Variants in NEK10 observed in about 807,000 individuals in gnomAD.
NEK10 encodes serine/threonine-protein kinase Nek10.
A neutral mutation model predicts 159.8 loss-of-function variants in NEK10; 122 were observed. The observed-to-expected ratio is 0.76, with a 90% CI of 0.66 to 0.89. The LOEUF is 0.89. NEK10 is among the 40% of genes least tolerant of loss of function. NEK10 has a pLI of 0.00. For synonymous variants in NEK10, 466 were observed against 457.1 expected, an observed-to-expected ratio of 1.02 and a Z score of -0.25; for missense variants, 1,342 against 1,323.1, an observed-to-expected ratio of 1.01 and a Z score of -0.22.
intron 23 of NEK10, among the ~76,000 whole-genome samples, chr3:27,246,250 C>T (rs1179002244): frequency 6.6e-6 from 1 of 152,082 alleles, no homozygotes; most frequent in Non-Finnish European, 1.5e-5. Context: ...TTCAGGGGTA[C>T]ATCTGCAGGT....
chr3:27,261,909 G>T (rs544580420), intron 22 of NEK10, among the ~76,000 whole-genome samples: 7 of 152,272 alleles, frequency 4.6e-5, no homozygotes, highest in African/African-American at 1.7e-4. Context: ...GGGTACCCCT[G>T]TATTGGGTGC....
At chr3:27,212,281 C>T (rs890129643) in intron 23 of NEK10, among the ~76,000 whole-genome samples, 6 of 152,176 alleles carry the variant, frequency 3.9e-5, no homozygotes, top group East Asian at 1.9e-4. Context: ...AGATAGCTAA[C>T]GCATATTTCA....
At chr3:27,367,819 C>T (rs1001239804) in intron 1 of NEK10, among the ~76,000 whole-genome samples, 1 of 152,112 alleles carries the variant, frequency 6.6e-6, no homozygotes, top group East Asian at 1.9e-4. Context: ...AAGGAAAGTC[C>T]ATTCCAGGCA....
At chr3:27,167,490 G>C (rs1045759494) in intron 29 of NEK10, among the ~76,000 whole-genome samples, 1 of 152,144 alleles carries the variant, frequency 6.6e-6, no homozygotes, top group Non-Finnish European at 1.5e-5. Flanking sequence ...GTGACAAAGA[G>C]GCTGAAGCCC....
chr3:27,114,822 T>C (rs79955101), intron 35 of NEK10, among the ~76,000 whole-genome samples: 2 of 152,150 alleles, frequency 1.3e-5, no homozygotes, highest in Non-Finnish European at 2.9e-5. Flanking sequence ...GTGGCCCAGA[T>C]AGAGTGTGTG....
intron 23 of NEK10, among the ~76,000 whole-genome samples, chr3:27,218,637 T>A (rs913196485): frequency 6.8e-6 from 1 of 146,288 alleles, no homozygotes; most frequent in Non-Finnish European, 1.5e-5. Context: ...GGGACTACTG[T>A]GTATACCATG....
At chr3:27,198,333 A>C (rs1411101044) in intron 25 of NEK10, among the ~76,000 whole-genome samples, 1 of 59,618 alleles carries the variant, frequency 1.7e-5, no homozygotes, top group Non-Finnish European at 3.0e-5. Flanking sequence ...ATCCTAAGCA[A>C]AAAAAAAAAA....
At chr3:27,263,659 G>C (rs185120513) in intron 22 of NEK10, among the ~76,000 whole-genome samples, 1 of 152,190 alleles carries the variant, frequency 6.6e-6, no homozygotes, top group African/African-American at 2.4e-5. Context: ...TGCTAAGACC[G>C]TTGGAAAAGC....
intron 4 of NEK10, among the ~76,000 whole-genome samples, chr3:27,345,482 A>G (rs1330950377): frequency 1.3e-5 from 2 of 152,210 alleles, no homozygotes; most frequent in Non-Finnish European, 2.9e-5. Flanking sequence ...GAATATTCAT[A>G]TTGATATTTC....
At chr3:27,206,744 C>T (rs557416699) in intron 23 of NEK10, 15 of 393,952 alleles carry the variant, frequency 3.8e-5, no homozygotes, top group African/African-American at 3.0e-4. Context: ...AAACAATTTG[C>T]CTATTTTATA....
rs540236879 is a variant in NEK10 at position 27,109,094 on chromosome 3, A to T, written c.*2178T>A. ...CCTATCACCTAAAAGAGTTACATGC[A>T]ATGGCTGGGCACAGTGGCTCACGCC... On this transcript the variant is annotated 3_prime_UTR_variant, in exon 36 of 36. Coordinates refer to ENST00000691995, the MANE Select transcript of NEK10 (RefSeq NM_001394966.1). Among the ~76,000 whole-genome samples the T allele has an allele frequency of 6.6e-6, 1 of 152,296 alleles. No homozygotes were observed. Among genetic ancestry groups the T allele is most frequent in the African/African-American group, 2.4e-5 (1 of 41,586 alleles).
At chr3:27,258,080 G>C (rs1956402179) in intron 22 of NEK10, among the ~76,000 whole-genome samples, 1 of 151,950 alleles carries the variant, frequency 6.6e-6, no homozygotes, top group Non-Finnish European at 1.5e-5. Flanking sequence ...ACAGGCGTGA[G>C]CCTCCATGCC....
chr3:27,199,174 C>CT lies in NEK10; in HGVS notation c.2291+2335_2291+2336insA, dbSNP rs557423988. On this transcript the variant is annotated intron_variant, in intron 25 of 35. Transcript: ENST00000691995. ...GGATACTATCAACAGAGTAAACAGA[C>CT]AATCTACAGAACAGAAGAAAATTTT... 5.9e-4 allele frequency among the ~76,000 whole-genome samples: 89 copies of CT among 151,580 alleles called. No individual in the cohort carries two copies. In the East Asian group the frequency reaches 0.017, roughly 29 times the overall value.
chr3:27,250,736 T>C (rs1383655705), intron 23 of NEK10, among the ~76,000 whole-genome samples: 1 of 152,134 alleles, frequency 6.6e-6, no homozygotes, highest in Non-Finnish European at 1.5e-5. Flanking sequence ...CAATATGTCA[T>C]GCCACTCTCT....
chr3:27,368,797 A>C (rs2049296106), intron 1 of NEK10, among the ~76,000 whole-genome samples: 1 of 152,126 alleles, frequency 6.6e-6, no homozygotes, highest in Non-Finnish European at 1.5e-5. Context: ...GGAAGGGCTC[A>C]CCGAAGTAGG....
intron 5 of NEK10, among the ~76,000 whole-genome samples, chr3:27,329,321 T>A (rs2046233435): frequency 6.6e-6 from 1 of 152,182 alleles, no homozygotes; most frequent in South Asian, 2.1e-4. Context: ...ATTAGCGACG[T>A]GAAAACAGAC....
intron 6 of NEK10, among the ~76,000 whole-genome samples, chr3:27,319,631 T>C (rs1202185536): frequency 6.6e-6 from 1 of 152,096 alleles, no homozygotes; most frequent in African/African-American, 2.4e-5. Context: ...CTTGAAGGAA[T>C]AGCTGGGTCA....
chr3:27,292,139 C>A (rs2149493758), intron 16 of NEK10, among the ~76,000 whole-genome samples: 1 of 152,180 alleles, frequency 6.6e-6, no homozygotes, highest in Non-Finnish European at 1.5e-5. Flanking sequence ...CAACCTTGTG[C>A]TTACAGTTAA....
chr3:27,217,506 C>G (rs1031916423), intron 23 of NEK10, among the ~76,000 whole-genome samples: 2 of 152,208 alleles, frequency 1.3e-5, no homozygotes, highest in East Asian at 3.9e-4. Context: ...ATCACAAAAA[C>G]AGCACCACCA....
Sources: allele counts gnomAD v4.1 joint callset (sites outside exome capture counted in the v4.1 genomes callset), GRCh38; gene constraint gnomAD v4.1.1; transcripts MANE v1.5; gene names NCBI Gene and HGNC (gene_info 2026-07-23, HGNC 2026-07-21).